TK2: variants seen among roughly 807,000 people sequenced by gnomAD.
TK2 encodes the protein thymidine kinase 2, mitochondrial.
A neutral mutation model predicts 41.9 loss-of-function variants in TK2; 35 were observed. The observed-to-expected ratio is 0.84, with a 90% CI of 0.64 to 1.11. The LOEUF (loss-of-function observed/expected upper bound fraction) is 1.11, where lower values mean the gene tolerates loss of function less well. TK2 is among the 50% of genes least tolerant of loss of function. The pLI, the probability that TK2 is intolerant of heterozygous loss-of-function variation, is 0.00. For synonymous variants in TK2, 128 were observed against 129.1 expected, an observed-to-expected ratio of 0.99 and a Z score of 0.06; for missense variants, 320 against 351.1, an observed-to-expected ratio of 0.91 and a Z score of 0.71.
At chr16:66,549,816 G>A (rs1036931996) in intron 1 of TK2, 122 bp downstream of exon 1, 9 of 1,286,278 alleles carry the variant, frequency 7.0e-6, no homozygotes, top group East Asian at 6.4e-5. Context: ...AGCCGCAGCC[G>A]GGGAGGAAAT....
chr16:66,533,547 C>T lies in TK2; in HGVS notation c.286-2078G>A, dbSNP rs192259970. Among the ~76,000 whole-genome samples, 631 of 151,800 alleles carry T rather than the reference C, an allele frequency of 4.2e-3. 2 individuals are homozygous for T. Among genetic ancestry groups the T allele is most frequent in the African/African-American group, 0.014 (588 of 41,412 alleles). On this transcript the variant is annotated intron_variant, in intron 4 of 9. Coordinates refer to ENST00000544898, the MANE Select transcript of TK2 (RefSeq NM_004614.5). Reference sequence around the variant, plus strand: ...CTTGGGTGATATAGCAAGACCCTATCTCCAAAATAAATAAATAAATAAATA... The same window carrying T: ...CTTGGGTGATATAGCAAGACCCTATTTCCAAAATAAATAAATAAATAAATA...
At chr16:66,539,836 A>G (rs1965403684) in intron 3 of TK2, among the ~76,000 whole-genome samples, 1 of 152,214 alleles carries the variant, frequency 6.6e-6, no homozygotes, top group Non-Finnish European at 1.5e-5. Context: ...ATCAGCGCTC[A>G]GCCATGCAGA....
At chr16:66,531,222 A>G (rs1204640484) in intron 5 of TK2, among the ~76,000 whole-genome samples, 158 bp downstream of exon 5, 1 of 152,130 alleles carries the variant, frequency 6.6e-6, no homozygotes, top group Non-Finnish European at 1.5e-5. Context: ...GTCAGAAGAG[A>G]ACCACAGAAG....
intron 2 of TK2, among the ~76,000 whole-genome samples, chr16:66,547,134 C>T (rs1965633882): frequency 6.6e-6 from 1 of 152,142 alleles, no homozygotes; most frequent in Admixed American, 6.6e-5. Context: ...GTAAACTGTG[C>T]CATGTAATGG....
intron 2 of TK2, among the ~76,000 whole-genome samples, chr16:66,545,047 T>C (rs1965563822): frequency 7.1e-6 from 1 of 140,272 alleles, no homozygotes; most frequent in Middle Eastern, 3.9e-3. Context: ...TGAGCCGAGA[T>C]CACACCACTG....
Position 66,517,715 on chromosome 16 carries a change from G to T in TK2, c.538+74C>A. On this transcript the variant is annotated intron_variant, in intron 7 of 9. Transcript: ENST00000544898. The surrounding 1 kb of genome is among the most constrained non-coding windows in gnomAD (Gnocchi z 4.3). ...GCCTCACCCACTGCCCCCAAGGGTT[G>T]GGGCCCAGCCAAGCACATCCTCAAG... is the stretch of plus-strand genomic sequence containing the variant. The T allele has an allele frequency of 1.4e-6, 2 of 1,451,898 alleles. No homozygotes were observed. The highest frequency in any genetic ancestry group is 9.7e-7 in the Non-Finnish European group (1 of 1,032,562). The allele number at this position is 1,451,898 out of a possible 1,614,324, so 89.9% of individuals were successfully genotyped here.
In TK2 at chr16:66,508,911, CAG is replaced by C. The variant is rs1219671756; in HGVS notation, c.*3055_*3056del. ...AAGGATGAGGTGGTTTCATTCCTCA[CAG>C]AGTTAGGCCTTGCAAGGGACATTAC... On this transcript the variant is annotated 3_prime_UTR_variant, in exon 10 of 10. Coordinates refer to ENST00000544898, the MANE Select transcript of TK2 (RefSeq NM_004614.5). The C allele has an allele frequency of 6.6e-6, 1 of 152,208 alleles. No individual in the cohort carries two copies. The highest frequency in any genetic ancestry group is 2.4e-5 in the African/African-American group (1 of 41,428). 9.4% of individuals were successfully genotyped at this position (152,208 alleles called of 1,614,324 possible).
chr16:66,549,813 GC>G (rs1317781625), intron 1 of TK2, 124 bp downstream of exon 1: 23 of 1,287,262 alleles, frequency 1.8e-5, no homozygotes, highest in Admixed American at 1.3e-4. Context: ...CCCAGCCGCA[GC>G]CGGGGAGGAA....
chr16:66,515,053 A>G (rs558741968), intron 8 of TK2, among the ~76,000 whole-genome samples: 1 of 152,188 alleles, frequency 6.6e-6, no homozygotes, highest in East Asian at 1.9e-4. Context: ...CCCTCTGCCT[A>G]GGAAAACCAG....
intron 8 of TK2, among the ~76,000 whole-genome samples, chr16:66,515,645 A>G (rs1179882989): frequency 6.6e-6 from 1 of 152,232 alleles, no homozygotes; most frequent in Non-Finnish European, 1.5e-5. Context: ...AACCCTTAAG[A>G]CAATGGCTTG....
At position 66,549,810 on chromosome 16, in the gene TK2, G is replaced by A. The variant is rs572212489; in HGVS notation, c.124+128C>T. On this transcript the variant is annotated intron_variant, in intron 1 of 9. Transcript: ENST00000544898. Reference sequence around the variant, plus strand: ...GCCGATGGCCGCCCCCGTCCCAGCCGCAGCCGGGGAGGAAATCCCGCGCCT... The same window carrying A: ...GCCGATGGCCGCCCCCGTCCCAGCCACAGCCGGGGAGGAAATCCCGCGCCT... 5.8e-5 allele frequency: 75 copies of A among 1,285,090 alleles called. No individual in the cohort carries two copies. The South Asian group carries it at 8.8e-4, about 15-fold the overall frequency. 79.6% of individuals were successfully genotyped at this position (1,285,090 alleles called of 1,614,324 possible). A position where few individuals can be genotyped will look rare whatever the true frequency, so the allele number is the denominator to read the frequency against.
intron 8 of TK2, among the ~76,000 whole-genome samples, chr16:66,516,695 C>A (rs1374796478): frequency 6.6e-6 from 1 of 152,160 alleles, no homozygotes; most frequent in Non-Finnish European, 1.5e-5. Flanking sequence ...TAAGCATGAG[C>A]ACCGCCTCCG....
intron 2 of TK2, among the ~76,000 whole-genome samples, chr16:66,545,956 C>T (rs1965595148): frequency 6.6e-6 from 1 of 152,102 alleles, no homozygotes; most frequent in Non-Finnish European, 1.5e-5. Context: ...TTAGTGGTCA[C>T]CTGGGGCCAG....
intron 4 of TK2, among the ~76,000 whole-genome samples, chr16:66,533,078 T>TA (rs1353006691): frequency 6.6e-6 from 1 of 150,978 alleles, no homozygotes; most frequent in African/African-American, 2.4e-5. Flanking sequence ...TAAAAATCTT[T>TA]TTTTTTTTTT....
intron 3 of TK2, among the ~76,000 whole-genome samples, chr16:66,537,272 A>G (rs1268573320): frequency 2.6e-5 from 4 of 152,184 alleles, no homozygotes; most frequent in Non-Finnish European, 5.9e-5. Flanking sequence ...TGCCAAGCAT[A>G]GGTACATCCT....
intron 3 of TK2, among the ~76,000 whole-genome samples, chr16:66,540,361 T>C (rs962767890): frequency 6.6e-6 from 1 of 151,932 alleles, no homozygotes; most frequent in African/African-American, 2.4e-5. Context: ...TTTGTAGACA[T>C]GTGGTTTTGT....
intron 1 of TK2, 137 bp downstream of exon 1, chr16:66,549,801 G>C: frequency 7.8e-7 from 1 of 1,286,340 alleles, no homozygotes; most frequent in Non-Finnish European, 9.8e-7. Context: ...GGCCGCCCCC[G>C]TCCCAGCCGC....
chr16:66,550,117 A>T lies in TK2; in HGVS notation c.-56T>A. 6.2e-7 allele frequency: 1 copy of T among 1,611,046 alleles called. No homozygotes were observed. Among genetic ancestry groups the T allele is most frequent in the Non-Finnish European group, 8.5e-7 (1 of 1,179,474 alleles). ...TTCCTTCTTGTGCGAGTCGGCGCGG[A>T]CGACTGCTAGTCCAGCCGTTGGGCG... On this transcript the variant is annotated 5_prime_UTR_variant, in exon 1 of 10. Coordinates refer to ENST00000544898, the MANE Select transcript of TK2 (RefSeq NM_004614.5).
Position 66,508,805 on chromosome 16 carries a change from A to G in TK2, c.*3163T>C, listed in dbSNP as rs1964365816. On this transcript the variant is annotated 3_prime_UTR_variant, in exon 10 of 10. Coordinates refer to ENST00000544898, the MANE Select transcript of TK2 (RefSeq NM_004614.5). ...ATGAAAGGGGCAGAAAGAGAAAGTG[A>G]AAAGTAAAAACAAGCTGGGTAATGT... 1 of 152,298 alleles carries G rather than the reference A, an allele frequency of 6.6e-6. No individual in the cohort carries two copies. Among genetic ancestry groups the G allele is most frequent in the South Asian group, 2.1e-4 (1 of 4,830 alleles). The allele number at this position is 152,298 out of a possible 1,614,324, so 9.4% of individuals were successfully genotyped here. A position where few individuals can be genotyped will look rare whatever the true frequency, so the allele number is the denominator to read the frequency against.
Sources: allele counts gnomAD v4.1 joint callset (sites outside exome capture counted in the v4.1 genomes callset), GRCh38; gene constraint gnomAD v4.1.1; non-coding constraint Gnocchi (gnomAD v3.1); transcripts MANE v1.5; gene names NCBI Gene and HGNC (gene_info 2026-07-23, HGNC 2026-07-21).